The following CNBD1 variants were observed in gnomAD, a reference collection of about 807,000 sequenced individuals.
The protein encoded by CNBD1 is cyclic nucleotide binding domain containing 1.
CNBD1 carries 71 observed loss-of-function variants against 54.4 expected under a neutral mutation model. The ratio of observed to expected loss-of-function variants is 1.30; its 90% CI spans 1.08 to 1.59. The LOEUF (loss-of-function observed/expected upper bound fraction) is 1.59, where lower values mean the gene tolerates loss of function less well. Among genes scored for constraint, CNBD1 ranks in the 40% most tolerant of loss-of-function variants. The pLI, the probability that CNBD1 is intolerant of heterozygous loss-of-function variation, is 0.00. For missense variants in CNBD1, 659 were observed against 518.0 expected, an observed-to-expected ratio of 1.27 and a Z score of -2.64; for synonymous variants, 182 against 170.7, an observed-to-expected ratio of 1.07 and a Z score of -0.51.
chr8:87,406,622 G>A (rs1336597913), intron 2 of CNBD1, among the ~76,000 whole-genome samples: 1 of 151,926 alleles, frequency 6.6e-6, no homozygotes, highest in East Asian at 2.0e-4. Flanking sequence ...TAGGACTACA[G>A]GCGTGTGCCA....
intron 4 of CNBD1, among the ~76,000 whole-genome samples, chr8:87,025,438 T>C (rs1809620119): frequency 6.6e-6 from 1 of 152,218 alleles, no homozygotes; most frequent in African/African-American, 2.4e-5. Flanking sequence ...GCTTTACTCC[T>C]GAAGTCAGGA....
chr8:87,111,423 A>C (rs528756746), intron 4 of CNBD1, among the ~76,000 whole-genome samples: 1 of 152,320 alleles, frequency 6.6e-6, no homozygotes, highest in African/African-American at 2.4e-5. Flanking sequence ...TCCTATCCAC[A>C]ACCTTTAAAA....
At chr8:86,974,972 G>T (rs1000354907) in intron 4 of CNBD1, among the ~76,000 whole-genome samples, 1 of 151,856 alleles carries the variant, frequency 6.6e-6, no homozygotes, top group African/African-American at 2.4e-5. Context: ...TCCATTAAAG[G>T]CAGGGCTAAT....
At chr8:87,070,312 T>G (rs775436090) in intron 4 of CNBD1, among the ~76,000 whole-genome samples, 5 of 152,082 alleles carry the variant, frequency 3.3e-5, no homozygotes, top group Non-Finnish European at 7.4e-5. Context: ...TTTTTGGGTC[T>G]TATTTTTGTG....
At chr8:87,216,723 T>C (rs914105397) in intron 5 of CNBD1, among the ~76,000 whole-genome samples, 7 of 152,196 alleles carry the variant, frequency 4.6e-5, no homozygotes, top group Non-Finnish European at 1.0e-4. Flanking sequence ...GTCTGGGTCT[T>C]CTGAAGCCAA....
chr8:86,969,434 A>G (rs1808169363), intron 4 of CNBD1, among the ~76,000 whole-genome samples: 1 of 152,112 alleles, frequency 6.6e-6, no homozygotes, highest in African/African-American at 2.4e-5. Context: ...ACCAGTGGCA[A>G]ATCCATCAAT....
intron 5 of CNBD1, among the ~76,000 whole-genome samples, chr8:87,227,728 C>A (rs1814537758): frequency 6.7e-6 from 1 of 148,884 alleles, no homozygotes; most frequent in South Asian, 2.1e-4. Context: ...CTTGGAGTTG[C>A]TCTTCTCGAG....
chr8:87,113,053 A>AGAC (rs1178085789), intron 4 of CNBD1, among the ~76,000 whole-genome samples: 2 of 152,182 alleles, frequency 1.3e-5, no homozygotes, highest in African/African-American at 4.8e-5. Flanking sequence ...TGCATCATAG[A>AGAC]GACTGTCCTC....
At chr8:87,076,210 T>C (rs1317389204) in intron 4 of CNBD1, among the ~76,000 whole-genome samples, 1 of 152,188 alleles carries the variant, frequency 6.6e-6, no homozygotes, top group Non-Finnish European at 1.5e-5. Flanking sequence ...AAGTAGATTT[T>C]ATTAAACTTC....
chr8:87,020,641 A>G (rs543245493), intron 4 of CNBD1, among the ~76,000 whole-genome samples: 9 of 151,550 alleles, frequency 5.9e-5, no homozygotes, highest in African/African-American at 1.2e-4. Flanking sequence ...TTACTTTTCA[A>G]TCTAACTCTG....
intron 8 of CNBD1, among the ~76,000 whole-genome samples, chr8:87,319,361 G>A (rs1809470482): frequency 6.6e-6 from 1 of 152,066 alleles, no homozygotes; most frequent in African/African-American, 2.4e-5. Context: ...TTTTTACATT[G>A]TTCTAAATGC....
At chr8:87,338,295 G>A (rs1260747645) in intron 8 of CNBD1, among the ~76,000 whole-genome samples, 1 of 152,010 alleles carries the variant, frequency 6.6e-6, no homozygotes, top group Non-Finnish European at 1.5e-5. Context: ...ATATAGATAT[G>A]AGTTTCTGTT....
Position 87,255,168 on chromosome 8 carries a change from A to G in CNBD1, c.771+18056A>G, listed in dbSNP as rs148149018. Among the ~76,000 whole-genome samples, 8 of 152,210 alleles carry G rather than the reference A, an allele frequency of 5.3e-5. No homozygotes were observed. The East Asian group carries it at 1.4e-3, about 26-fold the overall frequency. On this transcript the variant is annotated intron_variant, in intron 6 of 10. Coordinates refer to ENST00000518476, the MANE Select transcript of CNBD1 (RefSeq NM_173538.3). ...CTTTGCATTTCAGTTGGATTATGTC[A>G]TCTACCTTATGGATTTGCAAAAAAA...
intron 8 of CNBD1, among the ~76,000 whole-genome samples, chr8:87,306,296 G>A (rs1809144572): frequency 1.3e-5 from 2 of 152,190 alleles, no homozygotes; most frequent in South Asian, 2.1e-4. Context: ...TATACTGCTG[G>A]TGGGAGTGTA....
chr8:87,260,143 C>T lies in CNBD1; in HGVS notation c.771+23031C>T, dbSNP rs139239930. ...CTAAATTGCCATTGCCAGTTGGAGT[C>T]TGTAGTAGTTAATTTTGAGATTGCA... is the stretch of plus-strand genomic sequence containing the variant. On this transcript the variant is annotated intron_variant, in intron 6 of 10. Transcript: ENST00000518476. Among the ~76,000 whole-genome samples the T allele has an allele frequency of 3.0e-3, 453 of 152,288 alleles. 1 individual carries two copies. The highest frequency in any genetic ancestry group is 0.01 in the African/African-American group (434 of 41,582).
intron 2 of CNBD1, among the ~76,000 whole-genome samples, chr8:87,404,948 C>A (rs1807628759): frequency 2.6e-5 from 4 of 152,070 alleles, no homozygotes. Flanking sequence ...CACCAACTCA[C>A]TTTTGGCAAT....
At chr8:86,949,974 TGAGA>T (rs1563833577) in intron 4 of CNBD1, among the ~76,000 whole-genome samples, 2 of 131,274 alleles carry the variant, frequency 1.5e-5, no homozygotes, top group African/African-American at 3.0e-5. Context: ...TTTTTTTTTT[TGAGA>T]TGGAGTCTCG....
At chr8:87,218,052 T>G (rs1330074391) in intron 5 of CNBD1, among the ~76,000 whole-genome samples, 2 of 152,086 alleles carry the variant, frequency 1.3e-5, no homozygotes, top group South Asian at 4.1e-4. Context: ...AATTCTTAGC[T>G]CTTCCACCCG....
At chr8:86,950,245 G>C (rs780661887) in intron 4 of CNBD1, among the ~76,000 whole-genome samples, 7 of 151,578 alleles carry the variant, frequency 4.6e-5, no homozygotes, top group African/African-American at 1.7e-4. Context: ...ATTTTTAGTA[G>C]AGACAGTTTC....
Sources: gnomAD v4.1 joint callset for allele counts (sites outside exome capture counted in the v4.1 genomes callset) on GRCh38, gnomAD v4.1.1 for gene constraint, MANE v1.5 for transcripts, NCBI Gene and HGNC (gene_info 2026-07-23, HGNC 2026-07-21) for gene names.